Variants in ALK observed in about 807,000 individuals in gnomAD.
The protein encoded by ALK is ALK tyrosine kinase receptor.
A neutral mutation model predicts 163.1 loss-of-function variants in ALK; 74 were observed. The observed-to-expected ratio is 0.45, with a 90% confidence interval of 0.38 to 0.55. The LOEUF is 0.55. Ranked by LOEUF, ALK falls within the 20% of genes least tolerant of loss-of-function variation. ALK has a pLI of 0.00. For missense variants in ALK, 2,063 were observed against 2,105.3 expected, an observed-to-expected ratio of 0.98 and a Z score of 0.39; for synonymous variants, 960 against 843.2, an observed-to-expected ratio of 1.14 and a Z score of -2.40.
chr2:29,692,319 C>G (rs1678422633), intron 3 of ALK, among the ~76,000 whole-genome samples: 1 of 152,086 alleles, frequency 6.6e-6, no homozygotes, highest in Non-Finnish European at 1.5e-5. Flanking sequence ...TGGCATTACC[C>G]AATGAAATGG....
At chr2:29,440,100 G>T (rs1488274670) in intron 4 of ALK, among the ~76,000 whole-genome samples, 1 of 151,890 alleles carries the variant, frequency 6.6e-6, no homozygotes, top group Non-Finnish European at 1.5e-5. Context: ...CGGACGTACT[G>T]GTGAGTGTCT....
chr2:29,475,915 G>A (rs1431346697), intron 4 of ALK, among the ~76,000 whole-genome samples: 1 of 152,218 alleles, frequency 6.6e-6, no homozygotes, highest in Non-Finnish European at 1.5e-5. Context: ...CGGCAAATGA[G>A]AACGGTGACA....
intron 4 of ALK, among the ~76,000 whole-genome samples, chr2:29,504,162 T>C (rs1265442351): frequency 6.6e-6 from 1 of 151,164 alleles, no homozygotes; most frequent in East Asian, 2.0e-4. Context: ...GAGTGGGAGG[T>C]GACAGTATAG....
intron 25 of ALK, among the ~76,000 whole-genome samples, chr2:29,208,663 T>C (rs1204631568): frequency 6.6e-6 from 1 of 152,126 alleles, no homozygotes; most frequent in Non-Finnish European, 1.5e-5. Flanking sequence ...GTTACCATGT[T>C]TGATGGAGGC....
intron 3 of ALK, among the ~76,000 whole-genome samples, chr2:29,619,305 A>T (rs528360175): frequency 3.3e-5 from 5 of 152,236 alleles, no homozygotes; most frequent in African/African-American, 1.2e-4. Flanking sequence ...ATGTGCCTTA[A>T]CCTCTCTAGG....
At position 29,234,747 on chromosome 2, in the gene ALK, T is replaced by C. The variant is rs557750427; in HGVS notation, c.2356-1051A>G. 5.2e-4 allele frequency among the ~76,000 whole-genome samples: 79 copies of C among 152,344 alleles called. 1 individual carries two copies. The South Asian group carries it at 8.7e-3, about 17-fold the overall frequency. On this transcript the variant is annotated intron_variant, in intron 13 of 28. Coordinates refer to ENST00000389048, the MANE Select transcript of ALK (RefSeq NM_004304.5). Reference sequence around the variant, plus strand: ...GGAGCGCCTCACACATGGTGGGAACTGAGTAAATGGCTGCTGTTCTTATCT... The same window carrying C: ...GGAGCGCCTCACACATGGTGGGAACCGAGTAAATGGCTGCTGTTCTTATCT...
intron 22 of ALK, 177 bp from the exon 23 acceptor site, chr2:29,221,012 G>C (rs1233141356): frequency 5.8e-6 from 5 of 855,992 alleles, no homozygotes; most frequent in Non-Finnish European, 9.6e-6. Flanking sequence ...TTGCTGGTGA[G>C]CAGGTGGGAA....
chr2:29,309,191 G>T (rs1246156311), intron 8 of ALK, among the ~76,000 whole-genome samples: 1 of 152,142 alleles, frequency 6.6e-6, no homozygotes, highest in Non-Finnish European at 1.5e-5. Context: ...ATCTGCAGGG[G>T]GCCCAGAGCC....
chr2:29,667,436 A>G (rs935036871), intron 3 of ALK, among the ~76,000 whole-genome samples: 22 of 151,974 alleles, frequency 1.4e-4, no homozygotes, highest in African/African-American at 5.1e-4. Flanking sequence ...ATTCGGTACA[A>G]TGTTAGCTGT....
intron 1 of ALK, among the ~76,000 whole-genome samples, chr2:29,831,670 G>A (rs1488038920): frequency 6.6e-6 from 1 of 152,172 alleles, no homozygotes; most frequent in Non-Finnish European, 1.5e-5. Flanking sequence ...ACACCTAATA[G>A]TTAGCCTTGG....
At chr2:29,221,307 T>C in intron 22 of ALK, 2 of 489,040 alleles carry the variant, frequency 4.1e-6, no homozygotes, top group Non-Finnish European at 8.3e-6. Flanking sequence ...CACGAGTCTA[T>C]CAGTTTCCCG....
intron 5 of ALK, among the ~76,000 whole-genome samples, chr2:29,366,529 T>A (rs1387076312): frequency 6.6e-6 from 1 of 152,104 alleles, no homozygotes; most frequent in Non-Finnish European, 1.5e-5. Flanking sequence ...TGGGCAGACC[T>A]GGAGGTCCTG....
At chr2:29,785,977 T>A (rs532690023) in intron 1 of ALK, among the ~76,000 whole-genome samples, 1 of 151,682 alleles carries the variant, frequency 6.6e-6, no homozygotes, top group Non-Finnish European at 1.5e-5. Flanking sequence ...CTCTGCAAGG[T>A]TGGAACTAAA....
chr2:29,626,214 G>A (rs1676190086), intron 3 of ALK, among the ~76,000 whole-genome samples: 1 of 152,136 alleles, frequency 6.6e-6, no homozygotes. Context: ...CATGAGAGTA[G>A]GGACTTTGAT....
chr2:29,663,235 T>C (rs1677405867), intron 3 of ALK, among the ~76,000 whole-genome samples: 1 of 152,174 alleles, frequency 6.6e-6, no homozygotes, highest in African/African-American at 2.4e-5. Context: ...CAAAATGACC[T>C]AGTAATTATG....
At chr2:29,195,661 G>T (rs1669004143) in intron 28 of ALK, among the ~76,000 whole-genome samples, 1 of 152,224 alleles carries the variant, frequency 6.6e-6, no homozygotes, top group African/African-American at 2.4e-5. Context: ...CTTGAACCCG[G>T]GAGGTGGAGG....
chr2:29,768,954 T>C (rs1220095016), intron 1 of ALK, among the ~76,000 whole-genome samples: 1 of 151,940 alleles, frequency 6.6e-6, no homozygotes, highest in African/African-American at 2.4e-5. Flanking sequence ...CCGCCTCAGC[T>C]TCCCAAGTAG....
chr2:29,423,353 G>A (rs1044969734), intron 4 of ALK, among the ~76,000 whole-genome samples: 2 of 152,192 alleles, frequency 1.3e-5, no homozygotes, highest in African/African-American at 2.4e-5. Flanking sequence ...AAGCCCTTGC[G>A]TTTTCCACCA....
intron 4 of ALK, among the ~76,000 whole-genome samples, chr2:29,431,536 T>G (rs1670273166): frequency 6.6e-6 from 1 of 152,206 alleles, no homozygotes; most frequent in Non-Finnish European, 1.5e-5. Context: ...CAAACCTTTC[T>G]TTTTGCCCAG....
Sources: gnomAD v4.1 joint callset for allele counts (sites outside exome capture counted in the v4.1 genomes callset) on GRCh38, gnomAD v4.1.1 for gene constraint, MANE v1.5 for transcripts, NCBI Gene and HGNC (gene_info 2026-07-23, HGNC 2026-07-21) for gene names.